The following NEK10 variants were observed in gnomAD, a reference collection of about 807,000 sequenced individuals.
NEK10 encodes NIMA related kinase 10, also known as serine/threonine-protein kinase Nek10.
In NEK10, 122 loss-of-function variants were observed where a neutral mutation model predicts 159.8. That is an observed-to-expected ratio of 0.76 (90% CI 0.66 to 0.89). The LOEUF (loss-of-function observed/expected upper bound fraction) is 0.89. Among genes scored for constraint, NEK10 ranks in the 40% least tolerant of loss-of-function variants. The probability of loss-of-function intolerance (pLI) is 0.00; values close to 1 mark genes in which losing one functional copy is unlikely to be tolerated. For missense variants in NEK10, 1,342 were observed against 1,323.1 expected, an observed-to-expected ratio of 1.01 and a Z score of -0.22; for synonymous variants, 466 against 457.1, an observed-to-expected ratio of 1.02 and a Z score of -0.25.
chr3:27,150,845 C>T (rs1176027281), intron 30 of NEK10, among the ~76,000 whole-genome samples: 7 of 152,190 alleles, frequency 4.6e-5, no homozygotes, highest in Admixed American at 4.6e-4. Flanking sequence ...AAAGGATTCA[C>T]TATTCTAGAT....
chr3:27,365,362 C>T (rs1036706447), intron 1 of NEK10, among the ~76,000 whole-genome samples: 1 of 152,036 alleles, frequency 6.6e-6, no homozygotes, highest in Non-Finnish European at 1.5e-5. Flanking sequence ...ATTCTGCTGA[C>T]TGCTTTGAAG....
chr3:27,311,260 C>A lies in NEK10; in HGVS notation c.569-244G>T, dbSNP rs539025538. The A allele has an allele frequency of 1.5e-5, 5 of 335,510 alleles. No homozygotes were observed. The Admixed American group carries it at 2.4e-4, about 16-fold the overall frequency. The allele number at this position is 335,510 out of a possible 1,614,324, so 20.8% of individuals were successfully genotyped here. On this transcript the variant is annotated intron_variant, in intron 8 of 35. Coordinates refer to ENST00000691995, the MANE Select transcript of NEK10 (RefSeq NM_001394966.1). Reference sequence around the variant, plus strand: ...TGAAATATAAAAATACCAAAAAAGGCAAACCTCTCTTTCCACTTGAAGTTC... The same window carrying A: ...TGAAATATAAAAATACCAAAAAAGGAAAACCTCTCTTTCCACTTGAAGTTC...
Position 27,355,235 on chromosome 3 carries a change from T to G in NEK10, c.-37-2316A>C, listed in dbSNP as rs115587711. Among the ~76,000 whole-genome samples the G allele has an allele frequency of 8.4e-3, 1,275 of 152,250 alleles. 18 individuals carry two copies. The highest frequency in any genetic ancestry group is 0.029 in the African/African-American group (1,185 of 41,534). On this transcript the variant is annotated intron_variant, in intron 1 of 35. Transcript: ENST00000691995. ...TCTCATGTCCTAGCAGCTCAGTCCT[T>G]GGTCCTCCTCCCTTCTCTATCTGCC... is the stretch of plus-strand genomic sequence containing the variant.
At chr3:27,220,352 G>C (rs1303138940) in intron 23 of NEK10, among the ~76,000 whole-genome samples, 1 of 152,108 alleles carries the variant, frequency 6.6e-6, no homozygotes, top group African/African-American at 2.4e-5. Context: ...CTTGGCTTAT[G>C]GCTCACTTTC....
At chr3:27,248,685 T>C (rs1424696340) in intron 23 of NEK10, among the ~76,000 whole-genome samples, 1 of 152,242 alleles carries the variant, frequency 6.6e-6, no homozygotes, top group Non-Finnish European at 1.5e-5. Flanking sequence ...TTGTCACTGA[T>C]TTCTAGTTTT....
chr3:27,362,672 T>C (rs1241809995), intron 1 of NEK10, among the ~76,000 whole-genome samples: 5 of 151,774 alleles, frequency 3.3e-5, no homozygotes, highest in South Asian at 2.1e-4. Flanking sequence ...CTGTCTCAAA[T>C]AGTCCCAAAT....
chr3:27,222,469 C>T (rs982521873), intron 23 of NEK10, among the ~76,000 whole-genome samples: 5 of 152,162 alleles, frequency 3.3e-5, no homozygotes, highest in Non-Finnish European at 5.9e-5. Flanking sequence ...GTATTTGTTA[C>T]ACATATGAAA....
chr3:27,234,819 C>A (rs935276227), intron 23 of NEK10, among the ~76,000 whole-genome samples: 1 of 151,930 alleles, frequency 6.6e-6, no homozygotes. Context: ...AGATCCTAAG[C>A]AAAAAGAACA....
chr3:27,141,477 C>G lies in NEK10; in HGVS notation c.2970+5G>C, dbSNP rs1194187641. ...GAAAAGGAAATAAAAAGCTAGAACA[C>G]TGACCTGTGTGATATAGATTATTTT... is the stretch of plus-strand genomic sequence containing the variant. On this transcript the variant is annotated splice_donor_5th_base_variant and intron_variant, in intron 31 of 35. Transcript: ENST00000691995. 2 of 1,597,708 alleles carry G rather than the reference C, an allele frequency of 1.3e-6. No homozygotes were observed. Among genetic ancestry groups the G allele is most frequent in the Non-Finnish European group, 1.7e-6 (2 of 1,168,984 alleles).
At chr3:27,262,981 A>T (rs1388292667) in intron 22 of NEK10, among the ~76,000 whole-genome samples, 1 of 152,024 alleles carries the variant, frequency 6.6e-6, no homozygotes, top group Non-Finnish European at 1.5e-5. Context: ...GATGATGGTG[A>T]CGTACAGATG....
chr3:27,129,689 A>C (rs1942388046), intron 32 of NEK10, among the ~76,000 whole-genome samples: 1 of 152,120 alleles, frequency 6.6e-6, no homozygotes, highest in Non-Finnish European at 1.5e-5. Context: ...CCAATTATTA[A>C]ACATTAAGTA....
At chr3:27,313,914 G>A (rs2044925915) in intron 7 of NEK10, among the ~76,000 whole-genome samples, 1 of 152,124 alleles carries the variant, frequency 6.6e-6, no homozygotes. Flanking sequence ...GTTTCACCAT[G>A]TTGGCCAGGC....
At chr3:27,250,422 G>A (rs900981524) in intron 23 of NEK10, among the ~76,000 whole-genome samples, 4 of 152,164 alleles carry the variant, frequency 2.6e-5, no homozygotes, top group Admixed American at 2.0e-4. Flanking sequence ...TCCTGACCTC[G>A]TGATCCACCT....
At chr3:27,150,518 C>T (rs79344879) in intron 30 of NEK10, among the ~76,000 whole-genome samples, 2,851 of 152,234 alleles carry the variant, frequency 0.019, 51 homozygotes, top group African/African-American at 0.046. Context: ...ACAACAAAGC[C>T]TGGATGAAAG....
intron 30 of NEK10, among the ~76,000 whole-genome samples, chr3:27,144,009 T>C (rs1189561044): frequency 1.3e-5 from 2 of 152,266 alleles, no homozygotes; most frequent in Non-Finnish European, 2.9e-5. Flanking sequence ...GCGTTTTCTA[T>C]TGATAGTCAT....
At chr3:27,210,906 G>A (rs1458850651) in intron 23 of NEK10, among the ~76,000 whole-genome samples, 2 of 152,182 alleles carry the variant, frequency 1.3e-5, no homozygotes, top group African/African-American at 4.8e-5. Flanking sequence ...AAGAGTGGTA[G>A]ATAACTGCTA....
intron 22 of NEK10, chr3:27,279,069 T>G (rs1024817760): frequency 4.1e-6 from 1 of 246,458 alleles, no homozygotes; most frequent in African/African-American, 2.3e-5. Flanking sequence ...AAACCAAGCA[T>G]AGCAGAATAT....
chr3:27,367,727 A>G (rs1324087717), intron 1 of NEK10, among the ~76,000 whole-genome samples: 1 of 152,210 alleles, frequency 6.6e-6, no homozygotes, highest in Non-Finnish European at 1.5e-5. Context: ...GCCGTCACAG[A>G]GGCAGTCCAG....
intron 26 of NEK10, among the ~76,000 whole-genome samples, chr3:27,189,174 T>C (rs1048216921): frequency 6.6e-6 from 1 of 152,140 alleles, no homozygotes; most frequent in Non-Finnish European, 1.5e-5. Flanking sequence ...TTCACTTTCA[T>C]AGTGGGTAAA....
Sources: gnomAD v4.1 joint callset for allele counts (sites outside exome capture counted in the v4.1 genomes callset) on GRCh38, gnomAD v4.1.1 for gene constraint, MANE v1.5 for transcripts, NCBI Gene and HGNC (gene_info 2026-07-23, HGNC 2026-07-21) for gene names.